CGREF1: variants seen among roughly 807,000 people sequenced by gnomAD.
The protein encoded by CGREF1 is cell growth regulator with EF-hand domain 1, also known as cell growth regulator with EF hand domain protein 1.
CGREF1 carries 16 observed loss-of-function variants against 17.4 expected under a neutral mutation model. The observed-to-expected ratio is 0.92, with a 90% confidence interval of 0.62 to 1.40. The LOEUF (loss-of-function observed/expected upper bound fraction) is 1.40. Among genes scored for constraint, CGREF1 ranks in the 40% most tolerant of loss-of-function variants. The pLI is 0.00. For missense variants in CGREF1, 296 were observed against 376.4 expected (o/e 0.79, Z 1.77); for synonymous variants, 142 against 154.6 (o/e 0.92, Z 0.61).
At chr2:27,111,291 T>C (rs1320820101) in intron 1 of CGREF1, among the ~76,000 whole-genome samples, 2 of 152,230 alleles carry the variant, frequency 1.3e-5, no homozygotes, top group African/African-American at 2.4e-5. Context: ...AGAGTGTCAA[T>C]TGGTGCATTC....
At position 27,100,958 on chromosome 2, in the gene CGREF1, C is replaced by T; in HGVS notation, c.*316G>A. On this transcript the variant is annotated 3_prime_UTR_variant, in exon 6 of 6. Transcript: ENST00000402394. ...ATGGCTAGCACCATGCGCTCTGCTG[C>T]CGGAGCACCGTGAGGCCCAGAAACA... The T allele has an allele frequency of 8.7e-7, 1 of 1,151,992 alleles. No individual in the cohort carries two copies. Among genetic ancestry groups the T allele is most frequent in the Non-Finnish European group, 1.1e-6 (1 of 935,710 alleles). 71.4% of individuals were successfully genotyped at this position (1,151,992 alleles called of 1,614,324 possible). A position where few individuals can be genotyped will look rare whatever the true frequency, so the allele number is the denominator to read the frequency against.
chr2:27,105,379 G>T (rs1215900712), intron 1 of CGREF1, among the ~76,000 whole-genome samples: 1 of 152,164 alleles, frequency 6.6e-6, no homozygotes, highest in Non-Finnish European at 1.5e-5. Context: ...CCACTGCCAG[G>T]ATGGACTTCC....
In CGREF1 at chr2:27,118,459, A is replaced by T. The variant is rs549059809; in HGVS notation, c.-12+387T>A. Among the ~76,000 whole-genome samples, 3 of 152,198 alleles carry T rather than the reference A, an allele frequency of 2.0e-5. No individual in the cohort carries two copies. The South Asian group carries it at 6.2e-4, about 32-fold the overall frequency. Reference sequence around the variant, plus strand: ...ACACCCGGGAGCTGGTCCCTCGGCCACCTGCAAGCGGACGACAGCCTCGGG... The same window carrying T: ...ACACCCGGGAGCTGGTCCCTCGGCCTCCTGCAAGCGGACGACAGCCTCGGG... On this transcript the variant is annotated intron_variant, in intron 1 of 5. Transcript: ENST00000402394.
At chr2:27,099,679 G>T (rs761486852), downstream of CGREF1, 2 of 1,614,154 alleles carry the variant, frequency 1.2e-6, no homozygotes, top group East Asian at 2.2e-5. Flanking sequence ...GAGCGTGCAG[G>T]AAGCACTGAG....
chr2:27,102,227 G>C lies in CGREF1; in HGVS notation c.218-6C>G. On this transcript the variant is annotated splice_polypyrimidine_tract_variant and splice_region_variant and intron_variant, in intron 4 of 5. Transcript: ENST00000402394. ...GGCAAAGAGGTAGAGGAGAACTAAA[G>C]AGAAGAGAAGCTGGATTAGAAGAGG... The C allele has an allele frequency of 6.2e-7, 1 of 1,610,960 alleles. No homozygotes were observed. The highest frequency in any genetic ancestry group is 8.5e-7 in the Non-Finnish European group (1 of 1,177,500).
At chr2:27,112,878 C>T (rs991503461) in intron 1 of CGREF1, among the ~76,000 whole-genome samples, 4 of 152,172 alleles carry the variant, frequency 2.6e-5, no homozygotes, top group Admixed American at 2.0e-4. Context: ...AAGGAATTGC[C>T]GCTAGTGTGT....
chr2:27,114,640 C>A (rs1473124794), intron 1 of CGREF1, among the ~76,000 whole-genome samples: 1 of 152,138 alleles, frequency 6.6e-6, no homozygotes, highest in Non-Finnish European at 1.5e-5. Flanking sequence ...ACCTCTGGAA[C>A]CTTGAGCCAC....
chr2:27,104,615 G>A (rs953047960), intron 1 of CGREF1: 25 of 1,550,468 alleles, frequency 1.6e-5, no homozygotes, highest in Admixed American at 7.8e-5. Context: ...CTGCTGTGGC[G>A]GAAGCAGAGC....
At position 27,102,472 on chromosome 2, in the gene CGREF1, G is replaced by A. The variant is rs757057972; in HGVS notation, c.147-42C>T. The A allele has an allele frequency of 3.7e-6, 6 of 1,612,904 alleles. No homozygotes were observed. In the Middle Eastern group the frequency reaches 4.9e-4, roughly 133 times the overall value. ...GAATCAGCCCGGGAGAGGTGAGTCT[G>A]CAGCCCTGGGCCTGGTCTTCTCCCT... is the stretch of plus-strand genomic sequence containing the variant. On this transcript the variant is annotated intron_variant, in intron 3 of 5. Coordinates refer to ENST00000402394, the MANE Select transcript of CGREF1 (RefSeq NM_006569.6).
intron 1 of CGREF1, among the ~76,000 whole-genome samples, chr2:27,114,571 A>G (rs1465741015): frequency 1.3e-5 from 2 of 152,174 alleles, no homozygotes; most frequent in Non-Finnish European, 2.9e-5. Flanking sequence ...CCAAGTAATA[A>G]AAGTGACCTA....
At chr2:27,102,054 C>T in intron 5 of CGREF1, 43 bp downstream of exon 5, 3 of 1,576,628 alleles carry the variant, frequency 1.9e-6, no homozygotes, top group Non-Finnish European at 2.6e-6. Context: ...CCCCAAAGTG[C>T]TGGGTCTCCT....
rs559400059 is a variant in CGREF1 at position 27,113,474 on chromosome 2, T to G, written c.-12+5372A>C. On this transcript the variant is annotated intron_variant, in intron 1 of 5. Transcript: ENST00000402394. ...CTAAGCTGATCTCTTAAGGTCGAAT[T>G]ACTTTTTCTTTTTCCCCCTAAAGCT... Among the ~76,000 whole-genome samples the G allele has an allele frequency of 3.3e-5, 5 of 152,360 alleles. No individual in the cohort carries two copies. The East Asian group carries it at 9.6e-4, about 29-fold the overall frequency.
At chr2:27,099,802 C>T (rs747976594), downstream of CGREF1, 27 of 1,593,368 alleles carry the variant, frequency 1.7e-5, no homozygotes, top group African/African-American at 2.7e-5. Context: ...GCGGCTGCAT[C>T]GCCTTCTCCC....
At chr2:27,117,749 C>T (rs1195151710) in intron 1 of CGREF1, among the ~76,000 whole-genome samples, 2 of 143,316 alleles carry the variant, frequency 1.4e-5, no homozygotes, top group Non-Finnish European at 3.0e-5. Context: ...CGCTCTGTCG[C>T]CCAGGCTGGA....
At chr2:27,103,442 G>A (rs1017606973) in intron 2 of CGREF1, among the ~76,000 whole-genome samples, 1 of 151,384 alleles carries the variant, frequency 6.6e-6, no homozygotes. Flanking sequence ...GCTTGATCTC[G>A]GCTCACTGCA....
chr2:27,104,510 G>A (rs941874908), intron 1 of CGREF1, 133 bp from the exon 2 acceptor site: 2 of 1,551,294 alleles, frequency 1.3e-6, no homozygotes, highest in East Asian at 2.4e-5. Context: ...CTCCTGCTCA[G>A]GGAGGACTCA....
At chr2:27,102,909 G>A in intron 2 of CGREF1, 1 of 984,956 alleles carries the variant, frequency 1.0e-6, no homozygotes, top group Non-Finnish European at 1.2e-6. Context: ...AGCCCAGTGA[G>A]TGGCAGGACA....
At chr2:27,105,461 T>TA (rs1553346710) in intron 1 of CGREF1, among the ~76,000 whole-genome samples, 2 of 152,206 alleles carry the variant, frequency 1.3e-5, no homozygotes, top group Non-Finnish European at 2.9e-5. Context: ...TTCTGCCTTT[T>TA]AAAGCTACCT....
intron 1 of CGREF1, chr2:27,104,835 T>A: frequency 7.0e-7 from 1 of 1,430,502 alleles, no homozygotes; most frequent in South Asian, 1.5e-5. Flanking sequence ...AAAAGAGAAA[T>A]GGACTGTTTG....
Sources: gnomAD v4.1 joint callset for allele counts (sites outside exome capture counted in the v4.1 genomes callset) on GRCh38, gnomAD v4.1.1 for gene constraint, MANE v1.5 for transcripts, NCBI Gene and HGNC (gene_info 2026-07-23, HGNC 2026-07-21) for gene names.